Variants in CBFA2T2 observed in about 807,000 individuals in gnomAD.
CBFA2T2 encodes the protein CBFA2/RUNX1 partner transcriptional co-repressor 2.
In CBFA2T2, 11 loss-of-function variants were observed where a neutral mutation model predicts 62.2. That is an observed-to-expected ratio of 0.18 (90% CI 0.11 to 0.29). CBFA2T2 has a LOEUF of 0.29. Ranked by LOEUF, CBFA2T2 falls within the 10% of genes least tolerant of loss-of-function variation. The pLI is 1.00. For synonymous variants in CBFA2T2, 295 were observed against 287.5 expected, an observed-to-expected ratio of 1.03 and a Z score of -0.27; for missense variants, 592 against 774.1, an observed-to-expected ratio of 0.76 and a Z score of 2.79.
At chr20:33,492,141 C>G (rs1483054690) in intron 1 of CBFA2T2, among the ~76,000 whole-genome samples, 2 of 152,038 alleles carry the variant, frequency 1.3e-5, no homozygotes, top group East Asian at 1.9e-4. Context: ...CTCAGCCTCT[C>G]AAAGTGCTGG....
At chr20:33,633,300 A>C (rs2016518399) in intron 8 of CBFA2T2, among the ~76,000 whole-genome samples, 1 of 150,174 alleles carries the variant, frequency 6.7e-6, no homozygotes, top group Admixed American at 6.6e-5. Context: ...CAAACCTGGG[A>C]GGCGGAGGTT....
chr20:33,611,028 A>C (rs1270203301), intron 2 of CBFA2T2, 66 bp from the exon 3 acceptor site: 1 of 1,587,316 alleles, frequency 6.3e-7, no homozygotes, highest in East Asian at 2.2e-5. Flanking sequence ...TACAAACAAG[A>C]AAAAATGAAC....
intron 1 of CBFA2T2, among the ~76,000 whole-genome samples, chr20:33,512,943 A>T (rs1211149131): frequency 3.3e-5 from 5 of 152,082 alleles, no homozygotes. Flanking sequence ...TAGTAGAGAC[A>T]GGGTTTCACT....
chr20:33,512,598 C>G (rs1042430282), intron 1 of CBFA2T2, among the ~76,000 whole-genome samples: 1 of 152,150 alleles, frequency 6.6e-6, no homozygotes, highest in Non-Finnish European at 1.5e-5. Flanking sequence ...ATAGTCCATT[C>G]TCAAATTTCT....
At chr20:33,531,157 G>C (rs1484291690) in intron 1 of CBFA2T2, among the ~76,000 whole-genome samples, 1 of 152,178 alleles carries the variant, frequency 6.6e-6, no homozygotes, top group Admixed American at 6.5e-5. Flanking sequence ...AGGGTTTAAG[G>C]ACTAAATGCA....
At chr20:33,567,989 G>C (rs181158299) in intron 1 of CBFA2T2, among the ~76,000 whole-genome samples, 4 of 152,260 alleles carry the variant, frequency 2.6e-5, no homozygotes, top group Non-Finnish European at 5.9e-5. Context: ...GTCTTGGAAC[G>C]CATCTCCTTC....
intron 1 of CBFA2T2, among the ~76,000 whole-genome samples, chr20:33,539,477 A>G (rs140542799): frequency 2.0e-5 from 3 of 152,174 alleles, no homozygotes; most frequent in African/African-American, 7.2e-5. Flanking sequence ...CTCATTTCCT[A>G]TCATTGTTTA....
chr20:33,609,127 T>C (rs1469918350), intron 2 of CBFA2T2, among the ~76,000 whole-genome samples: 2 of 152,078 alleles, frequency 1.3e-5, no homozygotes, highest in Non-Finnish European at 2.9e-5. Flanking sequence ...CTTATAAAAC[T>C]TAATTAAAGT....
At chr20:33,641,231 A>G (rs1177247897) in intron 10 of CBFA2T2, among the ~76,000 whole-genome samples, 1 of 151,890 alleles carries the variant, frequency 6.6e-6, no homozygotes, top group Admixed American at 6.6e-5. Flanking sequence ...ACGGGGTTTC[A>G]CCGTGTTAGC....
intron 1 of CBFA2T2, among the ~76,000 whole-genome samples, chr20:33,494,260 TATATATATATA>T (rs1280393597): frequency 4.5e-4 from 35 of 77,988 alleles, no homozygotes; most frequent in African/African-American, 1.5e-3. Flanking sequence ...TATATATATA[TATATATATATA>T]TATTTTTTTT....
At position 33,647,794 on chromosome 20, in the gene CBFA2T2, G is replaced by A. The variant is rs1214631467; in HGVS notation, c.*3148G>A. The A allele has an allele frequency of 1.3e-5, 2 of 152,348 alleles. No individual in the cohort carries two copies. The allele number at this position is 152,348 out of a possible 1,614,324, so 9.4% of individuals were successfully genotyped here. A position where few individuals can be genotyped will look rare whatever the true frequency, so the allele number is the denominator to read the frequency against. ...TGACAGTTTCGTTTTCTGAATCTTT[G>A]TAATGCTCTTCCACCCTGCTCGTGC... On this transcript the variant is annotated 3_prime_UTR_variant, in exon 11 of 11. Coordinates refer to ENST00000342704, the MANE Select transcript of CBFA2T2 (RefSeq NM_001032999.3).
At chr20:33,638,258 G>A (rs1479869854) in intron 9 of CBFA2T2, among the ~76,000 whole-genome samples, 1 of 152,062 alleles carries the variant, frequency 6.6e-6, no homozygotes, top group African/African-American at 2.4e-5. Context: ...TAGGATTACA[G>A]GCATGAGCCT....
chr20:33,529,746 TATATATATA>T (rs1568802645), intron 1 of CBFA2T2, among the ~76,000 whole-genome samples: 9,134 of 129,168 alleles, frequency 0.071, 626 homozygotes, highest in Middle Eastern at 0.098. Context: ...AAAGCAGTTA[TATATATATA>T]TATATATATA....
chr20:33,511,916 G>A (rs559207883), intron 1 of CBFA2T2, among the ~76,000 whole-genome samples: 65 of 152,230 alleles, frequency 4.3e-4, no homozygotes, highest in African/African-American at 1.4e-3. Context: ...AGTGGCTTAC[G>A]CCTGTAATCC....
chr20:33,612,874 G>A (rs2015578935), intron 3 of CBFA2T2, among the ~76,000 whole-genome samples: 1 of 152,162 alleles, frequency 6.6e-6, no homozygotes, highest in Non-Finnish European at 1.5e-5. Flanking sequence ...TTGCTTGGAT[G>A]CAGGAGTTCA....
intron 6 of CBFA2T2, among the ~76,000 whole-genome samples, chr20:33,625,505 G>C (rs1448394874): frequency 1.3e-5 from 2 of 152,154 alleles, no homozygotes; most frequent in Non-Finnish European, 2.9e-5. Context: ...AAGGGGTATC[G>C]CCTATTCTCA....
At position 33,649,954 on chromosome 20, in the gene CBFA2T2, G is replaced by A. The variant is rs1017725148; in HGVS notation, c.*5308G>A. 2.0e-5 allele frequency: 3 copies of A among 152,614 alleles called. No homozygotes were observed. The highest frequency in any genetic ancestry group is 4.8e-5 in the African/African-American group (2 of 41,452). 9.5% of individuals were successfully genotyped at this position (152,614 alleles called of 1,614,324 possible). A position where few individuals can be genotyped will look rare whatever the true frequency, so the allele number is the denominator to read the frequency against. On this transcript the variant is annotated 3_prime_UTR_variant, in exon 11 of 11. Transcript: ENST00000342704. ...CTGTGCATAACTTATTTAATGTACT[G>A]TATAAATGAACCAAAACTGTTAAAT...
chr20:33,581,478 C>G (rs963246798), intron 1 of CBFA2T2, among the ~76,000 whole-genome samples: 1 of 147,904 alleles, frequency 6.8e-6, no homozygotes, highest in African/African-American at 2.6e-5. Context: ...GTTTTTTGTT[C>G]TTTGTGTGTG....
intron 1 of CBFA2T2, among the ~76,000 whole-genome samples, chr20:33,603,015 T>A (rs1254233102): frequency 6.6e-6 from 1 of 152,198 alleles, no homozygotes; most frequent in Non-Finnish European, 1.5e-5. Context: ...GTGTGAGATT[T>A]CATCACACTA....
Sources: allele counts gnomAD v4.1 joint callset (sites outside exome capture counted in the v4.1 genomes callset), GRCh38; gene constraint gnomAD v4.1.1; transcripts MANE v1.5; gene names NCBI Gene and HGNC (gene_info 2026-07-23, HGNC 2026-07-21).